ST3GAL4: variants seen among roughly 807,000 people sequenced by gnomAD.
ST3GAL4 encodes CMP-N-acetylneuraminate-beta-galactosamide-alpha-2,3-sialyltransferase 4.
A neutral mutation model predicts 42.6 loss-of-function variants in ST3GAL4; 24 were observed. The observed-to-expected ratio is 0.56, with a 90% CI of 0.41 to 0.79. ST3GAL4 has a LOEUF of 0.79. ST3GAL4 is among the 30% of genes least tolerant of loss of function. ST3GAL4 has a pLI of 0.00. For missense variants in ST3GAL4, 311 were observed against 430.8 expected (o/e 0.72, Z 2.46); for synonymous variants, 135 against 163.2 (o/e 0.83, Z 1.32).
rs763015480 is a variant in ST3GAL4, at chr11:126,383,874, G to A, written c.-60-22222G>A. Among the ~76,000 whole-genome samples the A allele has an allele frequency of 1.3e-5, 2 of 152,190 alleles. No individual in the cohort carries two copies. The highest frequency in any genetic ancestry group is 2.9e-5 in the Non-Finnish European group (2 of 68,016). On this transcript the variant is annotated intron_variant, in intron 1 of 10. Coordinates refer to ENST00000444328, the MANE Select transcript of ST3GAL4 (RefSeq NM_001254757.2). This position sits in a 1 kb window ranked among gnomAD's most constrained non-coding sequence, Gnocchi z 4.5. ...CCTCATGGCCCACCTTTACTCTGAG[G>A]GGGTGGGCTTCCTGCGGGGGACAAA...
rs1283853000 is a variant in ST3GAL4 at position 126,367,465 on chromosome 11, G to A, written c.-61+11623G>A. On this transcript the variant is annotated intron_variant, in intron 1 of 10. Coordinates refer to ENST00000444328, the MANE Select transcript of ST3GAL4 (RefSeq NM_001254757.2). Reference sequence around the variant, plus strand: ...GGACCCCTCTCTTTGCTGGGCTGGGGCAGAGCTTGAATGGAGAGGGGCTGC... The same window carrying A: ...GGACCCCTCTCTTTGCTGGGCTGGGACAGAGCTTGAATGGAGAGGGGCTGC... 4.6e-5 allele frequency among the ~76,000 whole-genome samples: 7 copies of A among 152,170 alleles called. No individual in the cohort carries two copies. In the East Asian group the frequency reaches 5.8e-4, roughly 13 times the overall value.
chr11:126,387,979 A>G lies in ST3GAL4; in HGVS notation c.-60-18117A>G, dbSNP rs745337627. Among the ~76,000 whole-genome samples, 17 of 152,222 alleles carry G rather than the reference A, an allele frequency of 1.1e-4. 1 individual carries two copies. The highest frequency in any genetic ancestry group is 2.4e-4 in the Non-Finnish European group (16 of 68,040). On this transcript the variant is annotated intron_variant, in intron 1 of 10. Coordinates refer to ENST00000444328, the MANE Select transcript of ST3GAL4 (RefSeq NM_001254757.2). ...CATAGGTTTGCAGCCTCTTTTTCAC[A>G]GCTCCATAGTGTTTCCTTGTCTGTG...
intron 1 of ST3GAL4, among the ~76,000 whole-genome samples, chr11:126,371,405 C>T (rs576381550): frequency 1.1e-4 from 17 of 151,320 alleles, no homozygotes; most frequent in African/African-American, 1.7e-4. Flanking sequence ...CCTCATGATC[C>T]GCCCACCGTG....
chr11:126,394,314 GGGCCT>G (rs1197109320), intron 1 of ST3GAL4, among the ~76,000 whole-genome samples: 1 of 152,248 alleles, frequency 6.6e-6, no homozygotes, highest in Non-Finnish European at 1.5e-5. Flanking sequence ...CCTGTATCCT[GGGCCT>G]GGCCCTGCTC....
At position 126,409,558 on chromosome 11, in the gene ST3GAL4, T is replaced by A. The variant is rs1954425770; in HGVS notation, c.771+147T>A. On this transcript the variant is annotated intron_variant, in intron 9 of 10. Coordinates refer to ENST00000444328, the MANE Select transcript of ST3GAL4 (RefSeq NM_001254757.2). The surrounding 1 kb of genome is among the most constrained non-coding windows in gnomAD (Gnocchi z 4.9). ...TCCAGGAACACACCTGTCATTAAAG[T>A]TGCTGCTGCAAAGGGGAGTGCACAC... 1 of 1,147,040 alleles carries A rather than the reference T, an allele frequency of 8.7e-7. No homozygotes were observed. Among genetic ancestry groups the A allele is most frequent in the African/African-American group, 1.5e-5 (1 of 64,858 alleles). The allele number at this position is 1,147,040 out of a possible 1,614,324, so 71.1% of individuals were successfully genotyped here. A position where few individuals can be genotyped will look rare whatever the true frequency, so the allele number is the denominator to read the frequency against.
In ST3GAL4 at chr11:126,407,012, G is replaced by A. The variant is rs1216838991; in HGVS notation, c.171G>A (p.Lys57=). The change falls in exon 4 of 11, where the codon AAG becomes AAA. Residue 57 remains lysine, a synonymous_variant. Transcript: ENST00000444328. ...LQGEAESKAS[K]LFGNYSRDQP... ...GTGAGGCAGAGAGCAAGGCCTCTAAGCTCTTTGGCAAGTAAGTACTTAAGG... is the reference window on the plus strand; with the variant it reads ...GTGAGGCAGAGAGCAAGGCCTCTAAACTCTTTGGCAAGTAAGTACTTAAGG... 9.9e-6 allele frequency: 16 copies of A among 1,613,876 alleles called. No homozygotes were observed. Among genetic ancestry groups the A allele is most frequent in the Non-Finnish European group, 1.3e-5 (15 of 1,179,926 alleles).
chr11:126,405,804 C>A (rs1255193177), intron 1 of ST3GAL4: 1 of 412,032 alleles, frequency 2.4e-6, no homozygotes, highest in Non-Finnish European at 4.4e-6. Flanking sequence ...GTGAGAAGAA[C>A]CACACCAGAG....
In ST3GAL4 at chr11:126,397,390, C is replaced by CA. The variant is rs1462046759; in HGVS notation, c.-60-8705dup. Among the ~76,000 whole-genome samples, 1 of 152,032 alleles carries CA rather than the reference C, an allele frequency of 6.6e-6. No individual in the cohort carries two copies. On this transcript the variant is annotated intron_variant, in intron 1 of 10. Coordinates refer to ENST00000444328, the MANE Select transcript of ST3GAL4 (RefSeq NM_001254757.2). The surrounding 1 kb of genome is among the most constrained non-coding windows in gnomAD (Gnocchi z 5.0). ...CTTGGTATAAAAATGTCTCCAATCT[C>CA]AGAGGTCATGGGATAGTGGGCAAGA...
In ST3GAL4 at chr11:126,406,044, A is replaced by G. The variant is rs966712112; in HGVS notation, c.-60-52A>G. On this transcript the variant is annotated intron_variant, in intron 1 of 10. Transcript: ENST00000444328. This position sits in a 1 kb window ranked among gnomAD's most constrained non-coding sequence, Gnocchi z 5.4. The stretch of plus-strand genomic sequence containing the variant: ...GTGGGTGTGTCCTGCTCCAGTGTCT[A>G]GGCAGGAGAGTTTGTGAAGCTGACC... 3.2e-6 allele frequency: 5 copies of G among 1,543,134 alleles called. No individual in the cohort carries two copies. Among genetic ancestry groups the G allele is most frequent in the Non-Finnish European group, 3.5e-6 (4 of 1,140,004 alleles).
At chr11:126,367,521 G>A (rs1952478241) in intron 1 of ST3GAL4, among the ~76,000 whole-genome samples, 1 of 152,276 alleles carries the variant, frequency 6.6e-6, no homozygotes, top group Admixed American at 6.5e-5. Context: ...ACCAGGTGTC[G>A]CTGGTACCTT....
chr11:126,375,889 T>TG (rs1952819141), intron 1 of ST3GAL4, among the ~76,000 whole-genome samples: 5 of 135,112 alleles, frequency 3.7e-5, no homozygotes, highest in Non-Finnish European at 8.0e-5. Context: ...TTTTTTTTTT[T>TG]GCCCCTGGCT....
intron 1 of ST3GAL4, among the ~76,000 whole-genome samples, chr11:126,405,022 G>A (rs1954163630): frequency 1.3e-5 from 2 of 152,210 alleles, no homozygotes; most frequent in Admixed American, 1.3e-4. Context: ...CTGATCAACC[G>A]TCGGACTCAC....
chr11:126,388,156 C>T (rs1953300721), intron 1 of ST3GAL4, among the ~76,000 whole-genome samples: 1 of 152,170 alleles, frequency 6.6e-6, no homozygotes, highest in African/African-American at 2.4e-5. Flanking sequence ...GTTTTTCTTC[C>T]TAGTACATCT....
In ST3GAL4 at chr11:126,409,262, T is replaced by G. The variant is rs570163105; in HGVS notation, c.628-6T>G. The G allele has an allele frequency of 1.2e-6, 2 of 1,614,078 alleles. No homozygotes were observed. The highest frequency in any genetic ancestry group is 2.2e-5 in the East Asian group (1 of 44,886). ...CTGTCTCTCTCTTCTGACCCCATCC[T>G]CCTAGGTGCGAAAGGGTTTCTGGAA... On this transcript the variant is annotated splice_region_variant and splice_polypyrimidine_tract_variant and intron_variant, in intron 8 of 10. Transcript: ENST00000444328. This position sits in a 1 kb window ranked among gnomAD's most constrained non-coding sequence, Gnocchi z 4.9.
At chr11:126,404,629 G>A (rs190177208) in intron 1 of ST3GAL4, among the ~76,000 whole-genome samples, 1 of 152,352 alleles carries the variant, frequency 6.6e-6, no homozygotes, top group East Asian at 1.9e-4. Flanking sequence ...TGTCGGGGGA[G>A]TTACTAGGAC....
At position 126,367,689 on chromosome 11, in the gene ST3GAL4, A is replaced by C. The variant is rs12287293; in HGVS notation, c.-61+11847A>C. 6.8e-3 allele frequency among the ~76,000 whole-genome samples: 1,032 copies of C among 152,312 alleles called. 13 individuals are homozygous for C. Among genetic ancestry groups the C allele is most frequent in the African/African-American group, 0.021 (882 of 41,556 alleles). On this transcript the variant is annotated intron_variant, in intron 1 of 10. Coordinates refer to ENST00000444328, the MANE Select transcript of ST3GAL4 (RefSeq NM_001254757.2). ...TGAAGATCTGAGGTGCATAGAGTGT[A>C]GGGATTAAAAGTAGTTCTGGCTGAA...
intron 1 of ST3GAL4, 170 bp from the exon 2 acceptor site, chr11:126,405,926 G>T: frequency 1.3e-6 from 1 of 767,494 alleles, no homozygotes; most frequent in Non-Finnish European, 2.1e-6. Context: ...GCCCTTGGAG[G>T]AGTTAGGAGG....
At chr11:126,377,913 CAATT>C (rs1555083747) in intron 1 of ST3GAL4, among the ~76,000 whole-genome samples, 1 of 152,206 alleles carries the variant, frequency 6.6e-6, no homozygotes, top group African/African-American at 2.4e-5. Flanking sequence ...TTCGAAGTGT[CAATT>C]AAACTTTTTC....
chr11:126,403,917 C>T (rs775544506), intron 1 of ST3GAL4, among the ~76,000 whole-genome samples: 2 of 152,172 alleles, frequency 1.3e-5, no homozygotes, highest in Non-Finnish European at 2.9e-5. Context: ...AGGTCACCCA[C>T]AGATCATCCA....
Sources: allele counts gnomAD v4.1 joint callset (sites outside exome capture counted in the v4.1 genomes callset), GRCh38; gene constraint gnomAD v4.1.1; non-coding constraint Gnocchi (gnomAD v3.1); transcripts MANE v1.5; gene names NCBI Gene and HGNC (gene_info 2026-07-23, HGNC 2026-07-21).